The following GMDS variants were observed in gnomAD, a reference collection of about 807,000 sequenced individuals.
GMDS encodes GDP-mannose 4,6-dehydratase.
Under a neutral mutation model 49.9 loss-of-function variants are expected in GMDS, and 20 were observed. The observed-to-expected ratio is 0.40, with a 90% CI of 0.28 to 0.58. GMDS has a LOEUF of 0.58. GMDS is among the 20% of genes least tolerant of loss of function. The probability of loss-of-function intolerance (pLI) is 0.42; values close to 1 mark genes in which losing one functional copy is unlikely to be tolerated. For missense variants in GMDS, 362 were observed against 481.4 expected (o/e 0.75, Z 2.32); for synonymous variants, 177 against 178.6 (o/e 0.99, Z 0.07).
intron 7 of GMDS, among the ~76,000 whole-genome samples, chr6:1,880,181 C>T (rs1161841131): frequency 2.7e-5 from 4 of 150,774 alleles, no homozygotes; most frequent in Non-Finnish European, 5.9e-5. Context: ...GGCACAGTGG[C>T]TCACACCTGT....
Position 2,050,208 on chromosome 6 carries a change from T to C in GMDS, c.345+65563A>G, listed in dbSNP as rs182905140. ...GATAGAGGGGATATCACCACCGATC[T>C]CACAGAAATACAAACTACCATCAGA... On this transcript the variant is annotated intron_variant, in intron 4 of 10. Coordinates refer to ENST00000380815, the MANE Select transcript of GMDS (RefSeq NM_001500.4). Among the ~76,000 whole-genome samples, 88 of 152,024 alleles carry C rather than the reference T, an allele frequency of 5.8e-4. 1 individual carries two copies. In the East Asian group the frequency reaches 0.015, roughly 27 times the overall value.
intron 6 of GMDS, among the ~76,000 whole-genome samples, chr6:1,944,738 G>C (rs552736566): frequency 5.3e-5 from 8 of 150,514 alleles, no homozygotes; most frequent in Non-Finnish European, 1.0e-4. Flanking sequence ...TTGGCTTATA[G>C]CCACCCAGCA....
intron 9 of GMDS, among the ~76,000 whole-genome samples, chr6:1,652,020 G>T (rs150125050): frequency 4.0e-5 from 6 of 151,860 alleles, no homozygotes; most frequent in Admixed American, 1.3e-4. Flanking sequence ...ACTCAGAAAC[G>T]TTAATCTGAG....
At chr6:1,705,756 G>A (rs1765713919) in intron 9 of GMDS, among the ~76,000 whole-genome samples, 1 of 152,180 alleles carries the variant, frequency 6.6e-6, no homozygotes, top group Non-Finnish European at 1.5e-5. Context: ...ACTTTCCAGA[G>A]GAAGTTCCAG....
At chr6:2,114,964 CAAACAAACA>C (rs1774759377) in intron 4 of GMDS, among the ~76,000 whole-genome samples, 1 of 149,150 alleles carries the variant, frequency 6.7e-6, no homozygotes, top group East Asian at 2.0e-4. Flanking sequence ...AACAAACAAA[CAAACAAACA>C]AAAAAAAACC....
At position 2,245,598 on chromosome 6, in the gene GMDS, G is replaced by A. The variant is rs1252825949; in HGVS notation, c.-176C>T. Reference sequence around the variant, plus strand: ...CTGACAGGGGCGCACGGGAGGCCGTGCAGGGAGGGCCGGGGGCGGGCCGAG... The same window carrying A: ...CTGACAGGGGCGCACGGGAGGCCGTACAGGGAGGGCCGGGGGCGGGCCGAG... On this transcript the variant is annotated 5_prime_UTR_variant, in exon 1 of 11. Transcript: ENST00000380815. The A allele has an allele frequency of 2.7e-6, 1 of 375,938 alleles. No homozygotes were observed. The highest frequency in any genetic ancestry group is 4.7e-6 in the Non-Finnish European group (1 of 214,066). 23.3% of individuals were successfully genotyped at this position (375,938 alleles called of 1,614,324 possible). A position where few individuals can be genotyped will look rare whatever the true frequency, so the allele number is the denominator to read the frequency against.
At chr6:2,088,010 G>T (rs1323537039) in intron 4 of GMDS, among the ~76,000 whole-genome samples, 1 of 152,012 alleles carries the variant, frequency 6.6e-6, no homozygotes, top group Non-Finnish European at 1.5e-5. Flanking sequence ...AATTAATTCA[G>T]CATTTACTTA....
intron 4 of GMDS, among the ~76,000 whole-genome samples, chr6:1,988,530 C>A (rs1765708736): frequency 6.6e-6 from 1 of 152,096 alleles, no homozygotes; most frequent in South Asian, 2.1e-4. Flanking sequence ...GCTCCCTATC[C>A]AGCTCACCCC....
At chr6:1,881,956 T>A (rs1167045615) in intron 7 of GMDS, among the ~76,000 whole-genome samples, 2 of 152,194 alleles carry the variant, frequency 1.3e-5, no homozygotes, top group Non-Finnish European at 2.9e-5. Flanking sequence ...ACAGTAAAAC[T>A]CACAGAGTTT....
chr6:2,060,412 G>A (rs896712227), intron 4 of GMDS, among the ~76,000 whole-genome samples: 4 of 152,112 alleles, frequency 2.6e-5, no homozygotes, highest in African/African-American at 9.7e-5. Context: ...AATGAAGCTA[G>A]CTTTGAAGTG....
intron 9 of GMDS, among the ~76,000 whole-genome samples, chr6:1,706,107 T>C (rs1307292977): frequency 2.0e-5 from 3 of 152,184 alleles, no homozygotes; most frequent in Non-Finnish European, 2.9e-5. Context: ...CCTCAAATTG[T>C]TGGGGCAATG....
chr6:1,824,396 T>C (rs1025232066), intron 7 of GMDS, among the ~76,000 whole-genome samples: 1 of 152,194 alleles, frequency 6.6e-6, no homozygotes, highest in African/African-American at 2.4e-5. Flanking sequence ...ACAGCCTATT[T>C]CAACTATACC....
At chr6:1,698,787 C>CG (rs1554108918) in intron 9 of GMDS, among the ~76,000 whole-genome samples, 4 of 133,076 alleles carry the variant, frequency 3.0e-5, no homozygotes, top group Non-Finnish European at 6.3e-5. Flanking sequence ...CCTGGTTTCC[C>CG]TTTTTTTTTT....
intron 8 of GMDS, 64 bp from the exon 9 acceptor site, chr6:1,726,576 C>T: frequency 8.3e-7 from 1 of 1,208,878 alleles, no homozygotes; most frequent in Non-Finnish European, 1.2e-6. Flanking sequence ...CATGCTGTAG[C>T]ACCTTGGGAT....
intron 4 of GMDS, among the ~76,000 whole-genome samples, chr6:2,034,143 T>C (rs529047269): frequency 6.6e-6 from 1 of 152,328 alleles, no homozygotes; most frequent in Non-Finnish European, 1.5e-5. Context: ...ATTAAATATG[T>C]GCACTTATCT....
intron 7 of GMDS, among the ~76,000 whole-genome samples, chr6:1,883,901 C>A (rs1426220909): frequency 6.6e-6 from 1 of 152,112 alleles, no homozygotes; most frequent in African/African-American, 2.4e-5. Context: ...TTTATTTAAT[C>A]AAAACTAGGC....
intron 1 of GMDS, among the ~76,000 whole-genome samples, chr6:2,158,048 C>T (rs1410947788): frequency 2.0e-5 from 3 of 152,116 alleles, no homozygotes; most frequent in Non-Finnish European, 4.4e-5. Flanking sequence ...CCCCCAAAAC[C>T]ACATCAATAC....
At chr6:2,064,559 C>A (rs1771415508) in intron 4 of GMDS, among the ~76,000 whole-genome samples, 1 of 152,114 alleles carries the variant, frequency 6.6e-6, no homozygotes, top group Admixed American at 6.5e-5. Context: ...ACCTAGGATC[C>A]CAAAGGACCT....
chr6:1,847,914 A>G (rs3778539), intron 7 of GMDS, among the ~76,000 whole-genome samples: 146,618 of 152,128 alleles, frequency 0.96, 70,834 homozygotes, highest in Non-Finnish European at 1. Context: ...ACTTTAGGAG[A>G]AGGAAAGAGT....
Sources: gnomAD v4.1 joint callset for allele counts (sites outside exome capture counted in the v4.1 genomes callset) on GRCh38, gnomAD v4.1.1 for gene constraint, MANE v1.5 for transcripts, NCBI Gene and HGNC (gene_info 2026-07-23, HGNC 2026-07-21) for gene names.